The following MYZAP variants were observed in gnomAD, a reference collection of about 807,000 sequenced individuals.
MYZAP encodes myocardial zonula adherens protein, also known as GRINL1A complex locus upstream.
In MYZAP, 66 loss-of-function variants were observed where a neutral mutation model predicts 69.4. The ratio of observed to expected loss-of-function variants is 0.95; its 90% CI spans 0.78 to 1.17. The LOEUF (loss-of-function observed/expected upper bound fraction) is 1.17. MYZAP is among the 50% of genes most tolerant of loss of function. MYZAP has a pLI of 0.00. For synonymous variants in MYZAP, 256 were observed against 205.9 expected, an observed-to-expected ratio of 1.24 and a Z score of -2.09; for missense variants, 611 against 556.2, an observed-to-expected ratio of 1.10 and a Z score of -0.99.
Position 57,592,027 on chromosome 15 carries a change from G to C in MYZAP, c.-8G>C. ...GGCGTCCAGCCCGCTACCGACCGCC[G>C]CTGCGGGATGCTGCGCTCCACGTCC... On this transcript the variant is annotated 5_prime_UTR_variant, in exon 1 of 13. Transcript: ENST00000267853. 7.0e-7 allele frequency: 1 copy of C among 1,433,912 alleles called. No homozygotes were observed. Among genetic ancestry groups the C allele is most frequent in the Non-Finnish European group, 9.1e-7 (1 of 1,097,830 alleles). The allele number at this position is 1,433,912 out of a possible 1,614,324, so 88.8% of individuals were successfully genotyped here. A position where few individuals can be genotyped will look rare whatever the true frequency, so the allele number is the denominator to read the frequency against.
rs750010688 is a variant in MYZAP at position 57,632,445 on chromosome 15, C to A, written c.690C>A (p.Ser230=). 6.2e-7 allele frequency: 1 copy of A among 1,614,108 alleles called. No individual in the cohort carries two copies. Among genetic ancestry groups the A allele is most frequent in the South Asian group, 1.1e-5 (1 of 91,062 alleles). The change falls in exon 7 of 13, where the codon TCC becomes TCA. Residue 230 remains serine (S), a synonymous_variant. Coordinates refer to ENST00000267853, the MANE Select transcript of MYZAP (RefSeq NM_001018100.5). Reference sequence around the variant, plus strand: ...GAGTCTCGTTGTAGGTGGAATCGTCCCAAGAAGCCAATGCTGAGGTGATGC... The same window carrying A: ...GAGTCTCGTTGTAGGTGGAATCGTCACAAGAAGCCAATGCTGAGGTGATGC... ...NQLLKMKVES[S]QEANAEVMRE...
chr15:57,648,844 T>G (rs1038235371), intron 10 of MYZAP, among the ~76,000 whole-genome samples: 1 of 151,600 alleles, frequency 6.6e-6, no homozygotes, highest in Admixed American at 6.6e-5. Context: ...GTTCTCTTTT[T>G]ACCTGTCCCT....
chr15:57,613,515 C>T (rs2035245313), intron 2 of MYZAP, among the ~76,000 whole-genome samples: 1 of 152,128 alleles, frequency 6.6e-6, no homozygotes, highest in Admixed American at 6.5e-5. Flanking sequence ...GGACTACAGG[C>T]ACACACCACC....
At position 57,604,343 on chromosome 15, in the gene MYZAP, G is replaced by A. The variant is rs755483534; in HGVS notation, c.150G>A (p.Glu50=). The part of the protein sequence containing the change: ...PVPEQCEKKI[E]RKEQLLDLSN... ...CTGAGCAATGTGAAAAGAAGATTGA[G>A]AGAAAAGAGCAGGTAAGGTATCTCC... Residue 50 remains glutamate (E), a synonymous_variant, in exon 2 of 13, where the codon GAG becomes GAA. Transcript: ENST00000267853. The A allele has an allele frequency of 6.2e-6, 10 of 1,614,072 alleles. No homozygotes were observed. In the Admixed American group the frequency reaches 1.2e-4, roughly 19 times the overall value.
intron 1 of MYZAP, chr15:57,599,603 C>T: frequency 1.6e-6 from 2 of 1,289,026 alleles, no homozygotes; most frequent in East Asian, 5.5e-5. Context: ...AATAAAGTGC[C>T]CTACCTGCCT....
At chr15:57,662,953 G>A (rs1313444174) in intron 11 of MYZAP, among the ~76,000 whole-genome samples, 1 of 152,190 alleles carries the variant, frequency 6.6e-6, no homozygotes, top group African/African-American at 2.4e-5. Flanking sequence ...TGAGTAAATG[G>A]GTATTTTCCC....
At chr15:57,648,869 T>C (rs539254065) in intron 10 of MYZAP, among the ~76,000 whole-genome samples, 1 of 151,628 alleles carries the variant, frequency 6.6e-6, no homozygotes, top group South Asian at 2.1e-4. Context: ...CTGTTCCTTT[T>C]CCTTCTTTCA....
intron 1 of MYZAP, among the ~76,000 whole-genome samples, chr15:57,603,253 C>G (rs1205599943): frequency 2.6e-5 from 4 of 152,152 alleles, no homozygotes; most frequent in African/African-American, 9.7e-5. Context: ...ATTTTCTTCT[C>G]CTAAGCCTTT....
At chr15:57,678,192 T>A (rs2039241050) in intron 12 of MYZAP, among the ~76,000 whole-genome samples, 1 of 152,082 alleles carries the variant, frequency 6.6e-6, no homozygotes, top group Non-Finnish European at 1.5e-5. Context: ...TGAAACCCTG[T>A]CTCTACTAAA....
chr15:57,608,635 A>G (rs1375079855), intron 2 of MYZAP, among the ~76,000 whole-genome samples: 1 of 152,234 alleles, frequency 6.6e-6, no homozygotes, highest in Non-Finnish European at 1.5e-5. Context: ...CAAATTGTAA[A>G]TAAGCTAATA....
At chr15:57,674,481 G>T (rs1440814470) in intron 11 of MYZAP, among the ~76,000 whole-genome samples, 1 of 152,188 alleles carries the variant, frequency 6.6e-6, no homozygotes, top group Non-Finnish European at 1.5e-5. Context: ...TAACAGACTT[G>T]CTCATTTTAT....
rs181277415 is a variant in MYZAP, at chr15:57,632,325, G to A, written c.679-109G>A. The A allele has an allele frequency of 7.0e-4, 1,078 of 1,541,818 alleles. 7 individuals are homozygous for A. The Admixed American group carries it at 0.01, about 15-fold the overall frequency. On this transcript the variant is annotated intron_variant, in intron 6 of 12. Coordinates refer to ENST00000267853, the MANE Select transcript of MYZAP (RefSeq NM_001018100.5). ...CTGTGTCTCTCTGCTGCAGAACCCA[G>A]TGGATGGGCTCACTACCTCTGTGAG...
intron 11 of MYZAP, among the ~76,000 whole-genome samples, chr15:57,667,737 A>T (rs1385211531): frequency 6.6e-6 from 1 of 152,184 alleles, no homozygotes; most frequent in Non-Finnish European, 1.5e-5. Flanking sequence ...TTAGTTATTT[A>T]TTAACTTACA....
chr15:57,682,176 C>T (rs1442640153), intron 12 of MYZAP, among the ~76,000 whole-genome samples: 1 of 152,058 alleles, frequency 6.6e-6, no homozygotes, highest in Non-Finnish European at 1.5e-5. Flanking sequence ...ATCTAGCAAC[C>T]CTGCCTGAGC....
intron 11 of MYZAP, among the ~76,000 whole-genome samples, chr15:57,663,647 G>T (rs530924241): frequency 3.3e-5 from 5 of 152,318 alleles, no homozygotes; most frequent in African/African-American, 1.2e-4. Flanking sequence ...CTGGGGGGTT[G>T]TGGCAGTTCT....
intron 10 of MYZAP, among the ~76,000 whole-genome samples, chr15:57,641,732 G>A (rs67442859): frequency 0.043 from 6,486 of 152,224 alleles, 188 homozygotes; most frequent in African/African-American, 0.073. Context: ...TGTTTGCCCA[G>A]CATACTACAT....
rs139207320 is a variant in MYZAP, at chr15:57,633,341, T to A, written c.805-272T>A. ...TCTACTCAATGTTATTAAACATTTG[T>A]AGGCCTCTTTTACACCTTTTGGATA... On this transcript the variant is annotated intron_variant, in intron 7 of 12. Coordinates refer to ENST00000267853, the MANE Select transcript of MYZAP (RefSeq NM_001018100.5). 4.8e-4 allele frequency among the ~76,000 whole-genome samples: 73 copies of A among 152,308 alleles called. 1 individual carries two copies. The East Asian group carries it at 0.013, about 28-fold the overall frequency.
At chr15:57,626,033 C>A in intron 5 of MYZAP, 141 bp downstream of exon 5, 2 of 741,854 alleles carry the variant, frequency 2.7e-6, no homozygotes, top group Non-Finnish European at 4.5e-6. Flanking sequence ...GAAGACTGTG[C>A]CCAGAAGACA....
At chr15:57,593,860 A>T (rs2033881086) in intron 1 of MYZAP, among the ~76,000 whole-genome samples, 1 of 152,138 alleles carries the variant, frequency 6.6e-6, no homozygotes, top group African/African-American at 2.4e-5. Context: ...TACAAGTACT[A>T]TCTGTGTGTG....
Sources: gnomAD v4.1 joint callset for allele counts (sites outside exome capture counted in the v4.1 genomes callset) on GRCh38, gnomAD v4.1.1 for gene constraint, MANE v1.5 for transcripts, NCBI Gene and HGNC (gene_info 2026-07-23, HGNC 2026-07-21) for gene names.